ABI1: variants seen among roughly 807,000 people sequenced by gnomAD.
The protein encoded by ABI1 is Abelson interactor 1.
Under a neutral mutation model 54.6 loss-of-function variants are expected in ABI1, and 14 were observed. That is an observed-to-expected ratio of 0.26 (90% CI 0.17 to 0.40). The LOEUF (loss-of-function observed/expected upper bound fraction) is 0.40, where lower values mean the gene tolerates loss of function less well. ABI1 is among the 10% of genes least tolerant of loss of function. ABI1 has a pLI of 1.00. For synonymous variants in ABI1, 194 were observed against 209.3 expected, an observed-to-expected ratio of 0.93 and a Z score of 0.63; for missense variants, 443 against 598.3, an observed-to-expected ratio of 0.74 and a Z score of 2.71.
chr10:26,816,328 G>A (rs974143817), intron 2 of ABI1, among the ~76,000 whole-genome samples: 3 of 152,186 alleles, frequency 2.0e-5, no homozygotes, highest in Non-Finnish European at 4.4e-5. Flanking sequence ...TGCCATTCAG[G>A]AGACTACAGA....
At chr10:26,750,160 T>C (rs1232662465) in intron 10 of ABI1, among the ~76,000 whole-genome samples, 1 of 152,206 alleles carries the variant, frequency 6.6e-6, no homozygotes, top group Admixed American at 6.5e-5. Flanking sequence ...GAATCTCAAG[T>C]AGAATATTCA....
At chr10:26,798,062 T>C (rs1052368060) in intron 2 of ABI1, among the ~76,000 whole-genome samples, 1 of 151,076 alleles carries the variant, frequency 6.6e-6, no homozygotes, top group Non-Finnish European at 1.5e-5. Flanking sequence ...CTAAAGAGAG[T>C]AAAGAAAATC....
Position 26,853,897 on chromosome 10 carries a change from G to A in ABI1, c.117+6850C>T, listed in dbSNP as rs544910967. ...TCATGGGTTTTATAGATTTATATCT[G>A]CACAATATCCTAGAGTTTGATCCAA... On this transcript the variant is annotated intron_variant, in intron 1 of 10. Transcript: ENST00000376140. Among the ~76,000 whole-genome samples the A allele has an allele frequency of 2.0e-5, 3 of 152,176 alleles. No homozygotes were observed. In the South Asian group the frequency reaches 6.2e-4, roughly 32 times the overall value.
chr10:26,807,658 G>GCTCTTTCCCTTCAGGTCT (rs1374686699), intron 2 of ABI1, among the ~76,000 whole-genome samples: 6 of 152,096 alleles, frequency 3.9e-5, no homozygotes, highest in Non-Finnish European at 7.4e-5. Flanking sequence ...AAAATTTGGG[G>GCTCTTTCCCTTCAGGTCT]CTCTTTCCCT....
Position 26,828,269 on chromosome 10 carries a change from T to G in ABI1, c.118-4964A>C, listed in dbSNP as rs915988113. 2.6e-5 allele frequency among the ~76,000 whole-genome samples: 4 copies of G among 152,236 alleles called. No individual in the cohort carries two copies. The East Asian group carries it at 5.8e-4, about 22-fold the overall frequency. On this transcript the variant is annotated intron_variant, in intron 1 of 10. Transcript: ENST00000376140. ...TTCACCATCTCACATGAGTGCAGTTTGTGGTGCCCCAAAACGATTACAGTA... is the reference window on the plus strand; with the variant it reads ...TTCACCATCTCACATGAGTGCAGTTGGTGGTGCCCCAAAACGATTACAGTA...
At chr10:26,792,252 C>T (rs1013691253) in intron 2 of ABI1, among the ~76,000 whole-genome samples, 2 of 152,142 alleles carry the variant, frequency 1.3e-5, no homozygotes, top group African/African-American at 4.8e-5. Flanking sequence ...ACATATATTA[C>T]ATTTATTCTT....
chr10:26,825,513 T>C (rs2048257311), intron 1 of ABI1, among the ~76,000 whole-genome samples: 1 of 151,762 alleles, frequency 6.6e-6, no homozygotes, highest in Admixed American at 6.6e-5. Flanking sequence ...ATACAAAAAA[T>C]AGCTTGGCAT....
At chr10:26,828,998 G>A (rs191926421) in intron 1 of ABI1, among the ~76,000 whole-genome samples, 2,199 of 151,772 alleles carry the variant, frequency 0.014, 30 homozygotes, top group Middle Eastern at 0.058. Context: ...AGGCCAAGGC[G>A]GGCGGATCAC....
chr10:26,823,247 G>T lies in ABI1; in HGVS notation c.176C>A (p.Ala59Asp). The T allele has an allele frequency of 6.2e-7, 1 of 1,603,798 alleles. No individual in the cohort carries two copies. Among genetic ancestry groups the T allele is most frequent in the Admixed American group, 1.7e-5 (1 of 57,650 alleles). ...TGCATTTATTTGATAAGCAACACTA[G>T]CTAGAGATTGGGTTGTATAGGCTTT... ...ETKAYTTQSL[A>D]SVAYQINALA... is the part of the protein sequence containing the mutation. Residue 59 changes from alanine to aspartate, a missense_variant, in exon 2 of 11, where the codon GCT becomes GAT. Physicochemically the swap from Ala to Asp is moderately radical, Grantham distance 126 (BLOSUM62 -2). This residue lies in a region of ABI1 where 394 missense variants were observed against 484.8 expected (regional missense o/e 0.81). Coordinates refer to ENST00000376140, the MANE Select transcript of ABI1 (RefSeq NM_001012750.3).
chr10:26,838,142 G>C (rs1293607630), intron 1 of ABI1, among the ~76,000 whole-genome samples: 1 of 151,342 alleles, frequency 6.6e-6, no homozygotes, highest in Non-Finnish European at 1.5e-5. Context: ...TAATGCCTCA[G>C]CCTCCTGAGT....
At chr10:26,786,881 G>A (rs920406830) in intron 2 of ABI1, among the ~76,000 whole-genome samples, 3 of 152,062 alleles carry the variant, frequency 2.0e-5, no homozygotes, top group South Asian at 2.1e-4. Context: ...CTATAGGTTC[G>A]TGTATAAAAC....
At position 26,759,224 on chromosome 10, in the gene ABI1, C is replaced by A; in HGVS notation, c.835G>T (p.Ala279Ser). 1 of 1,613,872 alleles carries A rather than the reference C, an allele frequency of 6.2e-7. No homozygotes were observed. Among genetic ancestry groups the A allele is most frequent in the Non-Finnish European group, 8.5e-7 (1 of 1,179,918 alleles). Reference sequence around the variant, plus strand: ...ATTGTGCCATACTGGGAACCAGGAGCTGAGCCCGGGGCTGCTGAAAAGCAT... The same window carrying A: ...ATTGTGCCATACTGGGAACCAGGAGATGAGCCCGGGGCTGCTGAAAAGCAT... ...PTIGPAAPGS[A>S]PGSQYGTMTR... The change falls in exon 8 of 11, where the codon GCT becomes TCT. Residue 279 changes from alanine (A) to serine (S), a missense_variant. Ala to Ser is a moderately conservative substitution (Grantham distance 99). This residue lies in a region of ABI1 where 394 missense variants were observed against 484.8 expected (regional missense o/e 0.81). Transcript: ENST00000376140.
At chr10:26,801,338 C>G (rs2046544034) in intron 2 of ABI1, among the ~76,000 whole-genome samples, 1 of 151,944 alleles carries the variant, frequency 6.6e-6, no homozygotes, top group Non-Finnish European at 1.5e-5. Flanking sequence ...CTTGAGCTCA[C>G]AAGTTTGAGA....
chr10:26,860,701 G>A lies in ABI1; in HGVS notation c.117+46C>T. ...CGCCCAGTGGGCTGGTCACTCCGGC[G>A]GGTCCTCGACCCGGCCAGCGCCCGC... is the stretch of plus-strand genomic sequence containing the variant. On this transcript the variant is annotated intron_variant, in intron 1 of 10. Transcript: ENST00000376140. This position sits in a 1 kb window ranked among gnomAD's most constrained non-coding sequence, Gnocchi z 4.1. The A allele has an allele frequency of 6.7e-7, 1 of 1,495,610 alleles. No homozygotes were observed. The highest frequency in any genetic ancestry group is 1.4e-5 in the African/African-American group (1 of 72,636). The allele number at this position is 1,495,610 out of a possible 1,614,324, so 92.6% of individuals were successfully genotyped here.
intron 2 of ABI1, among the ~76,000 whole-genome samples, chr10:26,819,210 A>G (rs1330747019): frequency 6.6e-6 from 1 of 151,324 alleles, no homozygotes; most frequent in Admixed American, 6.6e-5. Flanking sequence ...CCAAATCAGC[A>G]CCCCCCCCAA....
intron 1 of ABI1, among the ~76,000 whole-genome samples, chr10:26,855,980 A>G (rs1256324643): frequency 1.8e-4 from 27 of 147,876 alleles, no homozygotes; most frequent in African/African-American, 5.8e-4. Context: ...CAAAAAAAAA[A>G]AAAAAAAAAA....
At chr10:26,833,232 G>A (rs757355371) in intron 1 of ABI1, among the ~76,000 whole-genome samples, 12 of 151,996 alleles carry the variant, frequency 7.9e-5, no homozygotes, top group Admixed American at 2.0e-4. Context: ...CTTCTTTAAC[G>A]GGAGAGCTAC....
At chr10:26,849,489 C>A (rs1310040666) in intron 1 of ABI1, among the ~76,000 whole-genome samples, 1 of 152,088 alleles carries the variant, frequency 6.6e-6, no homozygotes, top group Non-Finnish European at 1.5e-5. Context: ...TATGATGGCT[C>A]CTGTTAGGAA....
chr10:26,779,481 G>A (rs1406567557), intron 2 of ABI1, among the ~76,000 whole-genome samples: 1 of 152,222 alleles, frequency 6.6e-6, no homozygotes, highest in Non-Finnish European at 1.5e-5. Flanking sequence ...GTCTAGAAGA[G>A]GGAGACAGGG....
Sources: allele counts gnomAD v4.1 joint callset (sites outside exome capture counted in the v4.1 genomes callset), GRCh38; gene constraint gnomAD v4.1.1; regional missense constraint gnomAD v4.1.1; non-coding constraint Gnocchi (gnomAD v3.1); transcripts MANE v1.5; gene names NCBI Gene and HGNC (gene_info 2026-07-23, HGNC 2026-07-21).